EMC3: variants seen among roughly 807,000 people sequenced by gnomAD.
The protein encoded by EMC3 is ER membrane protein complex subunit 3.
In EMC3, 13 loss-of-function variants were observed where a neutral mutation model predicts 36.6. The ratio of observed to expected loss-of-function variants is 0.35; its 90% CI spans 0.23 to 0.56. The LOEUF (loss-of-function observed/expected upper bound fraction) is 0.56. Among genes scored for constraint, EMC3 ranks in the 20% least tolerant of loss-of-function variants. The pLI is 0.84. For synonymous variants in EMC3, 120 were observed against 111.9 expected (o/e 1.07, Z -0.46); for missense variants, 220 against 324.5 (o/e 0.68, Z 2.47).
intron 1 of EMC3, among the ~76,000 whole-genome samples, chr3:9,984,978 T>C (rs1051782023): frequency 1.3e-5 from 2 of 152,364 alleles, no homozygotes; most frequent in South Asian, 2.1e-4. Context: ...AGTTAATGAA[T>C]GTAAGTACTT....
rs141850558 is a variant in EMC3, at chr3:9,996,416, G to A, written c.-241-9514C>T. ...GCCATGATTGTGCCACTGCTCTCCA[G>A]CCTGGGCAACAGAGTGAGACTCTAT... On this transcript the variant is annotated intron_variant, in intron 1 of 8. Coordinates refer to the EMC3 transcript ENST00000470827. 8.1e-4 allele frequency among the ~76,000 whole-genome samples: 124 copies of A among 152,230 alleles called. 4 individuals carry two copies. The East Asian group carries it at 0.022, about 28-fold the overall frequency.
chr3:9,979,002 C>T (rs1485358432), intron 1 of EMC3, among the ~76,000 whole-genome samples: 1 of 152,180 alleles, frequency 6.6e-6, no homozygotes, highest in East Asian at 1.9e-4. Flanking sequence ...CTTTCCTTTC[C>T]GAGTTCTACT....
Position 9,964,027 on chromosome 3 carries a change from T to C in EMC3, c.*42A>G. ...CTCCAAACAAAGTTACAAGGTTAAGTGCAACTCCAAGTTCCTGACACAGCT... is the reference window on the plus strand; with the variant it reads ...CTCCAAACAAAGTTACAAGGTTAAGCGCAACTCCAAGTTCCTGACACAGCT... On this transcript the variant is annotated 3_prime_UTR_variant, in exon 8 of 8. Coordinates refer to ENST00000245046, the MANE Select transcript of EMC3 (RefSeq NM_001394674.1). 10 of 1,609,420 alleles carry C rather than the reference T, an allele frequency of 6.2e-6. No homozygotes were observed. The highest frequency in any genetic ancestry group is 8.5e-6 in the Non-Finnish European group (10 of 1,177,728).
At chr3:9,992,204 T>A (rs2086062108) in intron 1 of EMC3, among the ~76,000 whole-genome samples, 1 of 152,172 alleles carries the variant, frequency 6.6e-6, no homozygotes, top group African/African-American at 2.4e-5. Context: ...CATTGCAACC[T>A]GCACCTCCCG....
At chr3:9,981,441 C>A (rs2085911038) in intron 1 of EMC3, among the ~76,000 whole-genome samples, 1 of 152,150 alleles carries the variant, frequency 6.6e-6, no homozygotes, top group Non-Finnish European at 1.5e-5. Flanking sequence ...CTAACACTCA[C>A]TTTCTTAAGC....
chr3:9,984,019 A>G (rs2124917401), intron 1 of EMC3, among the ~76,000 whole-genome samples: 1 of 152,260 alleles, frequency 6.6e-6, no homozygotes, highest in East Asian at 1.9e-4. Context: ...AGAAAATGCT[A>G]AATGTCTGAG....
In EMC3 at chr3:9,992,977, A is replaced by G. The variant is rs568932661; in HGVS notation, c.-241-6075T>C. The stretch of plus-strand genomic sequence containing the variant: ...ATTCGATCAGGCTGCATTCAAGAAC[A>G]GCTGCTCCAGAGTACATTCTCTGTT... On this transcript the variant is annotated intron_variant, in intron 1 of 8. Transcript: ENST00000470827. 62 of 1,593,622 alleles carry G rather than the reference A, an allele frequency of 3.9e-5. No individual in the cohort carries two copies. The African/African-American group carries it at 7.4e-4, about 19-fold the overall frequency.
chr3:10,006,666 T>G, intron 1 of EMC3: 1 of 198,820 alleles, frequency 5.0e-6, no homozygotes, highest in South Asian at 6.3e-5. Flanking sequence ...AGGGGGGTTG[T>G]CAGTTAAAGG....
upstream of EMC3, among the ~76,000 whole-genome samples, chr3:9,987,475 T>G (rs2085991125): frequency 6.6e-6 from 1 of 152,128 alleles, no homozygotes. Flanking sequence ...CCTCACCCCC[T>G]TCCCGATGAA....
At chr3:9,978,354 A>G (rs1324885525) in intron 1 of EMC3, 1 of 151,954 alleles carries the variant, frequency 6.6e-6, no homozygotes, top group Non-Finnish European at 1.5e-5. Flanking sequence ...AAAAGAATAC[A>G]GTGTTATGCA....
chr3:9,973,522 A>G lies in EMC3; in HGVS notation c.494+106T>C. The G allele has an allele frequency of 1.1e-5, 11 of 1,008,802 alleles. No homozygotes were observed. In the South Asian group the frequency reaches 1.5e-4, roughly 13 times the overall value. 62.5% of individuals were successfully genotyped at this position (1,008,802 alleles called of 1,614,324 possible). A position where few individuals can be genotyped will look rare whatever the true frequency, so the allele number is the denominator to read the frequency against. On this transcript the variant is annotated intron_variant, in intron 5 of 7. Transcript: ENST00000245046. Reference sequence around the variant, plus strand: ...TTTCGTTTTCTTGAGACAGGGTCTTACTCTGTTGCCCAGGCTGGTCTCAAA... The same window carrying G: ...TTTCGTTTTCTTGAGACAGGGTCTTGCTCTGTTGCCCAGGCTGGTCTCAAA...
chr3:9,982,791 G>C (rs1338592724), intron 1 of EMC3, among the ~76,000 whole-genome samples: 1 of 151,896 alleles, frequency 6.6e-6, no homozygotes, highest in Non-Finnish European at 1.5e-5. Context: ...AGAGGCTGAG[G>C]TGGGAGGATC....
Position 9,963,450 on chromosome 3 carries a change from G to GATATATATATATAT in EMC3, c.*618_*619insATATATATATATAT, listed in dbSNP as rs1448350735. The GATATATATATATAT allele has an allele frequency of 1.9e-4, 15 of 77,662 alleles. No homozygotes were observed. The highest frequency in any genetic ancestry group is 7.5e-4 in the African/African-American group (11 of 14,624). The allele number at this position is 77,662 out of a possible 1,614,324, so 4.8% of individuals were successfully genotyped here. On this transcript the variant is annotated 3_prime_UTR_variant, in exon 8 of 8. Coordinates refer to ENST00000245046, the MANE Select transcript of EMC3 (RefSeq NM_001394674.1). ...CCTTCGAAGACTGGGCTTCTGCTAAGATAGATATATATATATATATATATA... is the reference window on the plus strand; with the variant it reads ...CCTTCGAAGACTGGGCTTCTGCTAAGATATATATATATATATAGATATATATATATATATATATA...
chr3:9,980,097 T>G (rs1176997756), intron 1 of EMC3, among the ~76,000 whole-genome samples: 2 of 148,682 alleles, frequency 1.3e-5, no homozygotes, highest in African/African-American at 5.0e-5. Flanking sequence ...CAGTGCAACC[T>G]CTGCCTCACG....
intron 1 of EMC3, chr3:9,992,901 A>G: frequency 6.2e-7 from 1 of 1,602,926 alleles, no homozygotes. Context: ...CATCATCTAT[A>G]GCACCAATAC....
intron 1 of EMC3, among the ~76,000 whole-genome samples, chr3:9,996,508 A>G (rs2086127004): frequency 6.6e-6 from 1 of 152,160 alleles, no homozygotes; most frequent in Non-Finnish European, 1.5e-5. Context: ...CATAACTTGT[A>G]ACTCATTTGT....
chr3:10,008,458 A>T (rs201768271), intron 1 of EMC3: 5 of 1,367,700 alleles, frequency 3.7e-6, no homozygotes, highest in Non-Finnish European at 4.9e-6. Context: ...CTTTGCTGCC[A>T]GCAGCCTCCA....
chr3:10,001,439 G>A (rs2086199266), intron 1 of EMC3, among the ~76,000 whole-genome samples: 1 of 150,914 alleles, frequency 6.6e-6, no homozygotes, highest in Non-Finnish European at 1.5e-5. Context: ...TTAGCCGGGT[G>A]TGGTGGTGGG....
At chr3:9,969,909 C>A in intron 6 of EMC3, 108 bp from the exon 7 acceptor site, 2 of 1,479,870 alleles carry the variant, frequency 1.4e-6, no homozygotes, top group South Asian at 2.8e-5. Flanking sequence ...TACAGCCTCA[C>A]TGGCTGGCCC....
Sources: gnomAD v4.1 joint callset for allele counts (sites outside exome capture counted in the v4.1 genomes callset) on GRCh38, gnomAD v4.1.1 for gene constraint, MANE v1.5 for transcripts, NCBI Gene and HGNC (gene_info 2026-07-23, HGNC 2026-07-21) for gene names.